SLC41A3: variants seen among roughly 807,000 people sequenced by gnomAD.
SLC41A3 encodes the protein SLC41A1-like 2.
SLC41A3 carries 44 observed loss-of-function variants against 45.4 expected under a neutral mutation model. The ratio of observed to expected loss-of-function variants is 0.97; its 90% CI spans 0.76 to 1.25. The LOEUF (loss-of-function observed/expected upper bound fraction) is 1.25. SLC41A3 is among the 50% of genes most tolerant of loss of function. The pLI, the probability that SLC41A3 is intolerant of heterozygous loss-of-function variation, is 0.00. For missense variants in SLC41A3, 550 were observed against 600.6 expected (o/e 0.92, Z 0.88); for synonymous variants, 256 against 252.4 (o/e 1.01, Z -0.13).
chr3:126,061,885 G>A (rs1283111564), intron 2 of SLC41A3, among the ~76,000 whole-genome samples: 1 of 152,174 alleles, frequency 6.6e-6, no homozygotes, highest in Admixed American at 6.5e-5. Context: ...ACCCTAAAGG[G>A]TTATTTTCGC....
intron 6 of SLC41A3, among the ~76,000 whole-genome samples, chr3:126,017,692 A>G (rs986070285): frequency 6.6e-6 from 1 of 152,144 alleles, no homozygotes; most frequent in African/African-American, 2.4e-5. Context: ...CTCACCTGCC[A>G]AGGGGGCCCA....
chr3:126,030,037 C>A (rs560950054), intron 4 of SLC41A3, among the ~76,000 whole-genome samples: 1 of 146,970 alleles, frequency 6.8e-6, no homozygotes, highest in South Asian at 2.3e-4. Flanking sequence ...TCATACCATT[C>A]ACACACATAC....
At chr3:126,007,981 A>AC (rs1321947883) in intron 10 of SLC41A3, among the ~76,000 whole-genome samples, 1 of 152,194 alleles carries the variant, frequency 6.6e-6, no homozygotes, top group Non-Finnish European at 1.5e-5. Flanking sequence ...CACCATGCTT[A>AC]CTGCTGTCCA....
In SLC41A3 at chr3:126,091,873, A is replaced by G. The variant is rs75474846; in HGVS notation, c.-79+9556T>C. On this transcript the variant is annotated intron_variant, in intron 1 of 9. Coordinates refer to the SLC41A3 transcript ENST00000508835. ...TTGCTACAAAGAGTCTGCTCTGTCA[A>G]TCTGAAGGTCTTTGTGTTGATGTTA... Among the ~76,000 whole-genome samples, 1,274 of 152,276 alleles carry G rather than the reference A, an allele frequency of 8.4e-3. 53 individuals are homozygous for G. In the East Asian group the frequency reaches 0.096, roughly 11 times the overall value.
At chr3:126,059,307 A>AAAGAAAGAAAGGAAGGAAGG (rs1559870097) in intron 2 of SLC41A3, among the ~76,000 whole-genome samples, 9 of 59,346 alleles carry the variant, frequency 1.5e-4, no homozygotes, top group Non-Finnish European at 2.0e-4. Context: ...AGAAAGAAAG[A>AAAGAAAGAAAGGAAGGAAGG]AAGGAAGGAT....
Position 126,033,653 on chromosome 3 carries a change from G to A in SLC41A3, c.407C>T (p.Pro136Leu), listed in dbSNP as rs757749436. Reference sequence around the variant, plus strand: ...GCTGATGACTCTGTGCTGCTCCTGGGGGTCATCAATTTGTCCAGTGTTGGC... The same window carrying A: ...GCTGATGACTCTGTGCTGCTCCTGGAGGTCATCAATTTGTCCAGTGTTGGC... Reference protein sequence around the residue: ...TAANTGQIDDPQEQHRVISSN... With the variant: ...TAANTGQIDDLQEQHRVISSN... The change falls in exon 4 of 11, where the codon CCC (proline) becomes CTC (leucine). Residue 136 changes from proline (P) to leucine (L), a missense_variant. Transcript: ENST00000360370. 1.9e-6 allele frequency: 3 copies of A among 1,612,992 alleles called. No homozygotes were observed. Among genetic ancestry groups the A allele is most frequent in the South Asian group, 2.2e-5 (2 of 90,456 alleles).
At chr3:126,008,903 G>T in intron 9 of SLC41A3, 23 bp from the exon 10 acceptor site, 6 of 1,612,422 alleles carry the variant, frequency 3.7e-6, no homozygotes, top group Non-Finnish European at 5.1e-6. Context: ...GAACCAAGAA[G>T]GTCATGTGAC....
At chr3:126,033,224 A>G (rs1190364916) in intron 4 of SLC41A3, among the ~76,000 whole-genome samples, 1 of 152,212 alleles carries the variant, frequency 6.6e-6, no homozygotes, top group Non-Finnish European at 1.5e-5. Context: ...GTAAGATCAC[A>G]TGTAAGAGGC....
chr3:126,097,873 G>A (rs1191842688), intron 1 of SLC41A3, among the ~76,000 whole-genome samples: 1 of 152,140 alleles, frequency 6.6e-6, no homozygotes, highest in South Asian at 2.1e-4. Flanking sequence ...CACTTCTTGG[G>A]ACCTTGGTAA....
chr3:126,016,763 C>A lies in SLC41A3; in HGVS notation c.858G>T (p.Trp286Cys), dbSNP rs750771906. The A allele has an allele frequency of 6.2e-7, 1 of 1,612,124 alleles. No individual in the cohort carries two copies. Among genetic ancestry groups the A allele is most frequent in the African/African-American group, 1.3e-5 (1 of 74,958 alleles). Residue 286 changes from tryptophan (W) to cysteine (C), a missense_variant, in exon 7 of 11, where the codon TGG becomes TGT. Transcript: ENST00000360370. The stretch of plus-strand genomic sequence containing the variant: ...TGACCATGGCCAGGATGATTGGGAA[C>A]CAGCCAAACTTCAGGATCTTCACGA... ...PPIVKILKFG[W>C]FPIILAMVIS...
intron 4 of SLC41A3, among the ~76,000 whole-genome samples, chr3:126,028,600 C>T (rs1941554216): frequency 6.6e-6 from 1 of 152,234 alleles, no homozygotes; most frequent in African/African-American, 2.4e-5. Context: ...GGTTGGAGCC[C>T]CCCACACAGT....
intron 9 of SLC41A3, among the ~76,000 whole-genome samples, chr3:126,009,916 A>G (rs16837030): frequency 0.052 from 7,894 of 152,298 alleles, 642 homozygotes; most frequent in African/African-American, 0.17. Flanking sequence ...GTTAGAAAAT[A>G]TAACACGGAG....
intron 3 of SLC41A3, among the ~76,000 whole-genome samples, chr3:126,037,910 G>C (rs1409259828): frequency 1.3e-5 from 2 of 152,066 alleles, no homozygotes; most frequent in Non-Finnish European, 2.9e-5. Flanking sequence ...TGGTTTTGGG[G>C]CCAGGGCACT....
intron 6 of SLC41A3, 61 bp from the exon 7 acceptor site, chr3:126,016,936 G>C: frequency 6.3e-7 from 1 of 1,584,118 alleles, no homozygotes; most frequent in Non-Finnish European, 8.5e-7. Context: ...CACAGGCTGG[G>C]CCTGGGTTTC....
At chr3:126,063,956 C>CCCA (rs1002674529) in intron 2 of SLC41A3, among the ~76,000 whole-genome samples, 3 of 142,212 alleles carry the variant, frequency 2.1e-5, no homozygotes, top group African/African-American at 5.1e-5. Context: ...CCAACCCCCC[C>CCCA]CCGGGGACAC....
intron 9 of SLC41A3, among the ~76,000 whole-genome samples, chr3:126,012,242 G>A (rs1425957892): frequency 6.6e-6 from 1 of 152,168 alleles, no homozygotes; most frequent in Non-Finnish European, 1.5e-5. Flanking sequence ...TATCCCAAGT[G>A]TATTTCCTCT....
At chr3:126,068,586 A>G (rs1559880278) in intron 1 of SLC41A3, among the ~76,000 whole-genome samples, 1 of 152,234 alleles carries the variant, frequency 6.6e-6, no homozygotes, top group East Asian at 1.9e-4. Flanking sequence ...TCTTACTGAT[A>G]CCAAAGGCTC....
intron 2 of SLC41A3, chr3:126,056,743 G>A: frequency 7.0e-7 from 1 of 1,418,762 alleles, no homozygotes; most frequent in African/African-American, 1.4e-5. Context: ...GCACAGATGA[G>A]TGAGGAACAA....
At chr3:126,029,176 G>A (rs548988322) in intron 4 of SLC41A3, among the ~76,000 whole-genome samples, 3 of 152,222 alleles carry the variant, frequency 2.0e-5, no homozygotes, top group African/African-American at 7.2e-5. Flanking sequence ...GGGGGCCAGG[G>A]GTGAAATTAT....
Sources: allele counts gnomAD v4.1 joint callset (sites outside exome capture counted in the v4.1 genomes callset), GRCh38; gene constraint gnomAD v4.1.1; transcripts MANE v1.5; gene names NCBI Gene and HGNC (gene_info 2026-07-23, HGNC 2026-07-21).